Variants in MSRB3 observed in about 807,000 individuals in gnomAD.
The protein encoded by MSRB3 is methionine sulfoxide reductase B3.
In MSRB3, 13 loss-of-function variants were observed where a neutral mutation model predicts 21.0. The ratio of observed to expected loss-of-function variants is 0.62; its 90% CI spans 0.40 to 0.98. The LOEUF (loss-of-function observed/expected upper bound fraction) is 0.98, where lower values mean the gene tolerates loss of function less well. MSRB3 is among the 50% of genes least tolerant of loss of function. The probability of loss-of-function intolerance (pLI) is 0.00; values close to 1 mark genes in which losing one functional copy is unlikely to be tolerated. For missense variants in MSRB3, 199 were observed against 230.3 expected, an observed-to-expected ratio of 0.86 and a Z score of 0.88; for synonymous variants, 87 against 88.6, an observed-to-expected ratio of 0.98 and a Z score of 0.10.
chr12:65,347,613 C>T (rs978635252), intron 4 of MSRB3, among the ~76,000 whole-genome samples: 17 of 152,304 alleles, frequency 1.1e-4, no homozygotes, highest in Admixed American at 8.5e-4. Flanking sequence ...CCAGAACTTC[C>T]AACACTATGT....
At chr12:65,301,240 T>C (rs950106109) in intron 1 of MSRB3, among the ~76,000 whole-genome samples, 1 of 152,172 alleles carries the variant, frequency 6.6e-6, no homozygotes, top group African/African-American at 2.4e-5. Context: ...TATAAGACTA[T>C]CATAACATAT....
At chr12:65,337,431 A>AG (rs1875855625) in intron 4 of MSRB3, among the ~76,000 whole-genome samples, 3 of 2,324 alleles carry the variant, frequency 1.3e-3, no homozygotes, top group Non-Finnish European at 8.6e-3. Context: ...AGACTACATC[A>AG]AAAAAAAAAA....
Position 65,465,639 on chromosome 12 carries a change from T to A in MSRB3, c.*2317T>A, listed in dbSNP as rs1205296440. ...CAGATGAGCTCTGGTCTTATCTGGA[T>A]GCTCAGATAAGAGGTTTCTATCTGA... On this transcript the variant is annotated 3_prime_UTR_variant, in exon 7 of 7. Transcript: ENST00000308259. 2 of 152,088 alleles carry A rather than the reference T, an allele frequency of 1.3e-5. No individual in the cohort carries two copies. Among genetic ancestry groups the A allele is most frequent in the Admixed American group, 6.5e-5 (1 of 15,272 alleles). The allele number at this position is 152,088 out of a possible 1,614,324, so 9.4% of individuals were successfully genotyped here.
rs899450186 is a variant in MSRB3, at chr12:65,463,515, T to C, written c.*193T>C. 3 of 626,468 alleles carry C rather than the reference T, an allele frequency of 4.8e-6. No individual in the cohort carries two copies. The highest frequency in any genetic ancestry group is 8.1e-6 in the Non-Finnish European group (3 of 372,098). The allele number at this position is 626,468 out of a possible 1,614,324, so 38.8% of individuals were successfully genotyped here. On this transcript the variant is annotated 3_prime_UTR_variant, in exon 7 of 7. Transcript: ENST00000308259. ...TTGCAATTGACTAGATCAAGAACTG[T>C]TTATAGCTTTAGCAAATGGAGACAG... is the stretch of plus-strand genomic sequence containing the variant.
intron 5 of MSRB3, among the ~76,000 whole-genome samples, chr12:65,432,136 T>C (rs1049425222): frequency 3.3e-5 from 5 of 152,038 alleles, no homozygotes. Flanking sequence ...ATTCTGTCTA[T>C]AAAACACAAA....
At chr12:65,340,216 T>C (rs1001477256) in intron 4 of MSRB3, among the ~76,000 whole-genome samples, 8 of 152,064 alleles carry the variant, frequency 5.3e-5, no homozygotes, top group African/African-American at 1.9e-4. Flanking sequence ...ACTGAAAGTA[T>C]AAACACAACA....
intron 5 of MSRB3, among the ~76,000 whole-genome samples, chr12:65,448,847 A>T (rs911090325): frequency 1.3e-5 from 2 of 152,198 alleles, no homozygotes; most frequent in African/African-American, 4.8e-5. Context: ...GTATGGAAGA[A>T]TTGACAGGGA....
chr12:65,351,121 C>G (rs534425302), intron 4 of MSRB3, among the ~76,000 whole-genome samples: 1 of 152,114 alleles, frequency 6.6e-6, no homozygotes, highest in African/African-American at 2.4e-5. Flanking sequence ...TCTCTCAGAC[C>G]ACAGTGCGAT....
At chr12:65,354,608 T>C (rs1250153644) in intron 4 of MSRB3, among the ~76,000 whole-genome samples, 1 of 151,894 alleles carries the variant, frequency 6.6e-6, no homozygotes, top group Non-Finnish European at 1.5e-5. Flanking sequence ...GCATTGGTTA[T>C]TCTATTTAGC....
rs1392691532 is a variant in MSRB3, at chr12:65,463,433, T to C, written c.*111T>C. 1 of 1,319,980 alleles carries C rather than the reference T, an allele frequency of 7.6e-7. No homozygotes were observed. The highest frequency in any genetic ancestry group is 1.0e-6 in the Non-Finnish European group (1 of 962,222). The allele number at this position is 1,319,980 out of a possible 1,614,324, so 81.8% of individuals were successfully genotyped here. On this transcript the variant is annotated 3_prime_UTR_variant, in exon 7 of 7. Transcript: ENST00000308259. ...TTCAAAAACTATAAGGGCAGTTTTG[T>C]GCTATTGATATTTTTTCTTCTTTTG...
intron 1 of MSRB3, 147 bp downstream of exon 1, chr12:65,279,012 C>G (rs1276193619): frequency 5.5e-6 from 8 of 1,459,336 alleles, no homozygotes; most frequent in Non-Finnish European, 7.2e-6. Flanking sequence ...CTGCCTCAGC[C>G]GAGAAGGGGA....
At chr12:65,440,337 A>C (rs1397336579) in intron 5 of MSRB3, among the ~76,000 whole-genome samples, 1 of 151,892 alleles carries the variant, frequency 6.6e-6, no homozygotes, top group Non-Finnish European at 1.5e-5. Flanking sequence ...AGCAAAGTCA[A>C]ATACAGTAAC....
At chr12:65,318,976 G>C (rs1313886685) in intron 2 of MSRB3, among the ~76,000 whole-genome samples, 1 of 152,128 alleles carries the variant, frequency 6.6e-6, no homozygotes. Context: ...AATTATTAAT[G>C]AATGTTTCAT....
chr12:65,353,416 G>A (rs1344510527), intron 4 of MSRB3, among the ~76,000 whole-genome samples: 1 of 152,072 alleles, frequency 6.6e-6, no homozygotes, highest in East Asian at 1.9e-4. Flanking sequence ...CTCCTGTATT[G>A]GGTGCATATA....
At chr12:65,294,406 C>T (rs559177823) in intron 1 of MSRB3, among the ~76,000 whole-genome samples, 4 of 152,152 alleles carry the variant, frequency 2.6e-5, no homozygotes, top group South Asian at 2.1e-4. Flanking sequence ...CCTCTCTGCA[C>T]GATAGCAGCA....
At chr12:65,452,521 G>A (rs1342548103) in intron 5 of MSRB3, among the ~76,000 whole-genome samples, 2 of 152,056 alleles carry the variant, frequency 1.3e-5, no homozygotes, top group African/African-American at 4.8e-5. Context: ...ATTAATTTTT[G>A]TGAAAGGTTA....
At chr12:65,344,614 G>T (rs1378167873) in intron 4 of MSRB3, among the ~76,000 whole-genome samples, 2 of 151,870 alleles carry the variant, frequency 1.3e-5, no homozygotes, top group African/African-American at 4.8e-5. Context: ...TTAGGTCAGT[G>T]CTTCCCACCA....
At chr12:65,415,625 G>T (rs1179860230) in intron 5 of MSRB3, among the ~76,000 whole-genome samples, 1 of 152,032 alleles carries the variant, frequency 6.6e-6, no homozygotes, top group Non-Finnish European at 1.5e-5. Context: ...AATTTCTGCT[G>T]GTCTTACAAG....
At chr12:65,434,550 G>T (rs142481278) in intron 5 of MSRB3, among the ~76,000 whole-genome samples, 115 of 151,962 alleles carry the variant, frequency 7.6e-4, no homozygotes, top group African/African-American at 2.7e-3. Flanking sequence ...GAACAGATGG[G>T]ACTTGAAAAA....
Sources: allele counts gnomAD v4.1 joint callset (sites outside exome capture counted in the v4.1 genomes callset), GRCh38; gene constraint gnomAD v4.1.1; transcripts MANE v1.5; gene names NCBI Gene and HGNC (gene_info 2026-07-23, HGNC 2026-07-21).